The following PEX5L variants were observed in gnomAD, a reference collection of about 807,000 sequenced individuals.
PEX5L encodes peroxisomal biogenesis factor 5 like, also known as PEX5-related protein.
Under a neutral mutation model 84.0 loss-of-function variants are expected in PEX5L, and 30 were observed. That is an observed-to-expected ratio of 0.36 (90% confidence interval 0.27 to 0.48). The LOEUF is 0.48. PEX5L is among the 20% of genes least tolerant of loss of function. The pLI, the probability that PEX5L is intolerant of heterozygous loss-of-function variation, is 0.99. For missense variants in PEX5L, 533 were observed against 754.6 expected (o/e 0.71, Z 3.44); for synonymous variants, 270 against 283.1 (o/e 0.95, Z 0.46).
rs1577528744 is a variant in PEX5L at position 179,846,401 on chromosome 3, T to C, written c.822+12661A>G. The stretch of plus-strand genomic sequence containing the variant: ...TACAATAAATTATTGTTAACTATAG[T>C]TGCCCTACTGTGCCATTCAACACTA... On this transcript the variant is annotated intron_variant, in intron 8 of 14. Transcript: ENST00000467460. Among the ~76,000 whole-genome samples, 3 of 152,360 alleles carry C rather than the reference T, an allele frequency of 2.0e-5. 1 individual carries two copies. In the Middle Eastern group the frequency reaches 0.01, roughly 518 times the overall value.
intron 4 of PEX5L, among the ~76,000 whole-genome samples, chr3:179,884,860 G>A (rs1755263157): frequency 6.6e-6 from 1 of 151,972 alleles, no homozygotes; most frequent in Non-Finnish European, 1.5e-5. Context: ...GAACTGGGTG[G>A]AAAAAAATTA....
At chr3:179,891,726 T>G in intron 3 of PEX5L, among the ~76,000 whole-genome samples, 1 of 152,150 alleles carries the variant, frequency 6.6e-6, no homozygotes. Flanking sequence ...GGAATGATTA[T>G]TTTAGTCATA....
chr3:179,847,456 A>C (rs1234429466), intron 8 of PEX5L, among the ~76,000 whole-genome samples: 1 of 152,158 alleles, frequency 6.6e-6, no homozygotes, highest in African/African-American at 2.4e-5. Flanking sequence ...CTTAATCAAT[A>C]GGAAGTATTT....
At chr3:179,955,330 G>A (rs1280822238) in intron 2 of PEX5L, among the ~76,000 whole-genome samples, 1 of 152,034 alleles carries the variant, frequency 6.6e-6, no homozygotes, top group African/African-American at 2.4e-5. Context: ...ACTATACAGG[G>A]TGGTTCTAAA....
chr3:180,012,665 A>C (rs1561062580), intron 1 of PEX5L, among the ~76,000 whole-genome samples: 1 of 152,162 alleles, frequency 6.6e-6, no homozygotes, highest in Admixed American at 6.5e-5. Context: ...AACAACAAGA[A>C]AATATAAAGG....
At chr3:179,999,624 G>A (rs1212468779) in intron 1 of PEX5L, among the ~76,000 whole-genome samples, 1 of 152,150 alleles carries the variant, frequency 6.6e-6, no homozygotes, top group East Asian at 1.9e-4. Flanking sequence ...TGTCCCCACT[G>A]GAATAGACAC....
intron 8 of PEX5L, among the ~76,000 whole-genome samples, chr3:179,832,394 A>C: frequency 6.6e-6 from 1 of 150,504 alleles, no homozygotes; most frequent in African/African-American, 2.5e-5. Context: ...CCACCCACCA[A>C]CCTTTGTATT....
At chr3:180,018,703 G>A (rs918340946) in intron 1 of PEX5L, among the ~76,000 whole-genome samples, 5 of 152,096 alleles carry the variant, frequency 3.3e-5, no homozygotes, top group South Asian at 2.1e-4. Context: ...TGACACACAC[G>A]AATTTGCAGA....
intron 2 of PEX5L, among the ~76,000 whole-genome samples, chr3:179,957,831 T>C (rs913109240): frequency 2.0e-5 from 3 of 152,198 alleles, no homozygotes; most frequent in Non-Finnish European, 2.9e-5. Flanking sequence ...ATGGTTGTTA[T>C]TGGTTATATT....
At chr3:180,006,988 T>C (rs1277083317) in intron 1 of PEX5L, among the ~76,000 whole-genome samples, 5 of 152,126 alleles carry the variant, frequency 3.3e-5, no homozygotes, top group Admixed American at 2.6e-4. Flanking sequence ...ATCAAATCAA[T>C]CATGCCTTCC....
chr3:180,021,510 T>C, intron 1 of PEX5L, among the ~76,000 whole-genome samples: 1 of 152,192 alleles, frequency 6.6e-6, no homozygotes. Context: ...TAAAGATGAT[T>C]GCACTTAGAA....
At chr3:179,862,421 C>T (rs754377471) in intron 7 of PEX5L, among the ~76,000 whole-genome samples, 2 of 152,158 alleles carry the variant, frequency 1.3e-5, no homozygotes, top group African/African-American at 2.4e-5. Context: ...AGGATTAAGT[C>T]GTTAGGATGC....
chr3:179,810,832 G>A (rs1464725532), intron 11 of PEX5L, among the ~76,000 whole-genome samples: 1 of 152,036 alleles, frequency 6.6e-6, no homozygotes, highest in East Asian at 1.9e-4. Context: ...GCTGTGCTTG[G>A]GCATTATTTT....
intron 2 of PEX5L, among the ~76,000 whole-genome samples, chr3:179,960,317 T>C (rs1781692684): frequency 6.6e-6 from 1 of 152,192 alleles, no homozygotes; most frequent in South Asian, 2.1e-4. Context: ...AGGAAGAACA[T>C]CAAACACTCG....
chr3:179,841,275 T>C (rs1737175154), intron 8 of PEX5L, among the ~76,000 whole-genome samples: 1 of 152,172 alleles, frequency 6.6e-6, no homozygotes, highest in Admixed American at 6.5e-5. Flanking sequence ...TCTGCGCCTC[T>C]GTACATTTGC....
chr3:179,817,792 C>T (rs1726731479), intron 9 of PEX5L, among the ~76,000 whole-genome samples: 1 of 152,084 alleles, frequency 6.6e-6, no homozygotes, highest in African/African-American at 2.4e-5. Context: ...ACAAAATGCC[C>T]CATCAAAAGC....
rs1753634736 is a variant in PEX5L, at chr3:179,879,873, G to A, written c.505+56C>T. On this transcript the variant is annotated intron_variant, in intron 5 of 14. Coordinates refer to ENST00000467460, the MANE Select transcript of PEX5L (RefSeq NM_016559.3). Reference sequence around the variant, plus strand: ...ATGCCATTGGTGGAAATTTCCTCTTGTATCCACATCAGCAGAGCAAGGTTG... The same window carrying A: ...ATGCCATTGGTGGAAATTTCCTCTTATATCCACATCAGCAGAGCAAGGTTG... The A allele has an allele frequency of 2.4e-6, 3 of 1,244,090 alleles. No homozygotes were observed. In the East Asian group the frequency reaches 7.1e-5, roughly 30 times the overall value. 77.1% of individuals were successfully genotyped at this position (1,244,090 alleles called of 1,614,324 possible). A position where few individuals can be genotyped will look rare whatever the true frequency, so the allele number is the denominator to read the frequency against.
At chr3:179,868,232 C>G (rs1749075347) in intron 7 of PEX5L, among the ~76,000 whole-genome samples, 1 of 151,612 alleles carries the variant, frequency 6.6e-6, no homozygotes, top group South Asian at 2.1e-4. Flanking sequence ...TGGATCCTTT[C>G]CTCTTTAGCT....
At chr3:179,803,312 C>G (rs1262276659) in intron 14 of PEX5L, among the ~76,000 whole-genome samples, 1 of 152,044 alleles carries the variant, frequency 6.6e-6, no homozygotes, top group East Asian at 1.9e-4. Context: ...GAGTTTTATT[C>G]TTTTTAAATG....
Sources: gnomAD v4.1 joint callset for allele counts (sites outside exome capture counted in the v4.1 genomes callset) on GRCh38, gnomAD v4.1.1 for gene constraint, MANE v1.5 for transcripts, NCBI Gene and HGNC (gene_info 2026-07-23, HGNC 2026-07-21) for gene names.